Variants in LINGO2 observed in about 807,000 individuals in gnomAD.
LINGO2 encodes the protein leucine-rich repeat and immunoglobulin-like domain-containing nogo receptor-interacting protein 2.
LINGO2 carries 14 observed loss-of-function variants against 30.6 expected under a neutral mutation model. That is an observed-to-expected ratio of 0.46 (90% CI 0.30 to 0.72). The LOEUF (loss-of-function observed/expected upper bound fraction) is 0.72, where lower values mean the gene tolerates loss of function less well. LINGO2 is among the 30% of genes least tolerant of loss of function. The pLI, the probability that LINGO2 is intolerant of heterozygous loss-of-function variation, is 0.07. For synonymous variants in LINGO2, 317 were observed against 288.5 expected (o/e 1.10, Z -1.00); for missense variants, 729 against 751.7 (o/e 0.97, Z 0.35).
At chr9:28,375,409 T>C (rs753488060) in intron 2 of LINGO2, among the ~76,000 whole-genome samples, 21 of 149,662 alleles carry the variant, frequency 1.4e-4, no homozygotes, top group Non-Finnish European at 3.0e-4. Flanking sequence ...GGGTTTGCCT[T>C]ATATGCCTGC....
intron 4 of LINGO2, among the ~76,000 whole-genome samples, chr9:28,267,743 C>T (rs1217868744): frequency 2.0e-5 from 3 of 151,926 alleles, no homozygotes; most frequent in African/African-American, 7.3e-5. Flanking sequence ...TAGAGTAGTT[C>T]CTATATGGCT....
intron 1 of LINGO2, among the ~76,000 whole-genome samples, chr9:28,567,938 G>T (rs1823469597): frequency 6.6e-6 from 1 of 152,042 alleles, no homozygotes; most frequent in Non-Finnish European, 1.5e-5. Flanking sequence ...TTTACAGTCA[G>T]TTCGAACAAG....
At chr9:28,203,815 T>C (rs4878834) in intron 4 of LINGO2, among the ~76,000 whole-genome samples, 12,145 of 152,208 alleles carry the variant, frequency 0.08, 696 homozygotes, top group East Asian at 0.21. Context: ...TTTGGTGGAA[T>C]ACTATTTCAT....
At chr9:28,931,865 T>G in the LINGO2 span, among the ~76,000 whole-genome samples, 959 of 151,752 alleles carry the variant, frequency 6.3e-3, 7 homozygotes, top group Non-Finnish European at 0.01. Context: ...ATCCCAGCAC[T>G]TTGGGAGGCT....
At chr9:28,406,035 A>C (rs112190619) in intron 2 of LINGO2, among the ~76,000 whole-genome samples, 47 of 152,238 alleles carry the variant, frequency 3.1e-4, no homozygotes, top group African/African-American at 1.1e-3. Context: ...CTGCACTACC[A>C]ATGCATTCAT....
intron 2 of LINGO2, among the ~76,000 whole-genome samples, chr9:28,387,666 C>T (rs1929823): frequency 0.29 from 44,327 of 151,966 alleles, 7,911 homozygotes; most frequent in Non-Finnish European, 0.37. Context: ...CAACTGTGGA[C>T]GCGCCACCTT....
At chr9:28,514,570 G>T (rs1165532681) in intron 1 of LINGO2, among the ~76,000 whole-genome samples, 1 of 152,132 alleles carries the variant, frequency 6.6e-6, no homozygotes, top group Non-Finnish European at 1.5e-5. Flanking sequence ...TCTAGAGCAA[G>T]GCCCTAACTC....
chr9:28,128,985 G>A (rs907796414), intron 4 of LINGO2, among the ~76,000 whole-genome samples: 2 of 152,170 alleles, frequency 1.3e-5, no homozygotes, highest in East Asian at 1.9e-4. Context: ...CTAACTTGCT[G>A]AGTCTTCTGG....
the LINGO2 span, among the ~76,000 whole-genome samples, chr9:28,719,501 A>G: frequency 9.2e-5 from 14 of 151,998 alleles, no homozygotes; most frequent in South Asian, 2.1e-4. Flanking sequence ...GGCATCATCA[A>G]TCCTCATCCT....
chr9:27,975,985 A>T (rs1820575021), intron 5 of LINGO2, among the ~76,000 whole-genome samples: 1 of 152,096 alleles, frequency 6.6e-6, no homozygotes, highest in Admixed American at 6.6e-5. Flanking sequence ...GAGGGCAGGA[A>T]GGTGGCACAG....
At chr9:28,470,691 T>C (rs1825484396) in intron 2 of LINGO2, among the ~76,000 whole-genome samples, 1 of 152,108 alleles carries the variant, frequency 6.6e-6, no homozygotes, top group Admixed American at 6.6e-5. Flanking sequence ...GTGATTCTAC[T>C]GTCATAAGAT....
chr9:28,505,850 G>C (rs1053989756), intron 1 of LINGO2, among the ~76,000 whole-genome samples: 1 of 151,826 alleles, frequency 6.6e-6, no homozygotes, highest in African/African-American at 2.4e-5. Context: ...TGGGGAGTGG[G>C]AGTCATGTGT....
intron 1 of LINGO2, among the ~76,000 whole-genome samples, chr9:28,555,034 A>G (rs1278573245): frequency 1.4e-5 from 2 of 139,540 alleles, no homozygotes; most frequent in African/African-American, 3.0e-5. Flanking sequence ...AATGCCCACA[A>G]GAGAAAGCAG....
chr9:28,345,469 A>G lies in LINGO2; in HGVS notation c.-246+27367T>C, dbSNP rs7871180. 3.9e-3 allele frequency among the ~76,000 whole-genome samples: 588 copies of G among 152,264 alleles called. 4 individuals carry two copies. Among genetic ancestry groups the G allele is most frequent in the African/African-American group, 0.014 (569 of 41,562 alleles). Reference sequence around the variant, plus strand: ...TGACCTCTCAAATATAGGGTAACCTATTGCAGCTTTATATCAAACTAGCAG... The same window carrying G: ...TGACCTCTCAAATATAGGGTAACCTGTTGCAGCTTTATATCAAACTAGCAG... On this transcript the variant is annotated intron_variant, in intron 3 of 5. Coordinates refer to ENST00000379992, the Ensembl canonical transcript of LINGO2.
At chr9:28,861,447 T>C in the LINGO2 span, among the ~76,000 whole-genome samples, 14 of 146,868 alleles carry the variant, frequency 9.5e-5, no homozygotes, top group African/African-American at 3.5e-4. Context: ...TATTCTCATA[T>C]AGTTCTCACA....
chr9:28,200,400 C>T (rs1347929349), intron 4 of LINGO2, among the ~76,000 whole-genome samples: 1 of 152,016 alleles, frequency 6.6e-6, no homozygotes, highest in African/African-American at 2.4e-5. Flanking sequence ...TAAGATCACA[C>T]AGGCTTTATC....
chr9:28,461,339 T>A (rs1182884954), intron 2 of LINGO2, among the ~76,000 whole-genome samples: 2 of 152,130 alleles, frequency 1.3e-5, no homozygotes, highest in East Asian at 3.9e-4. Context: ...CTACCATTCA[T>A]CCCTCACTAT....
At chr9:28,967,501 A>G in the LINGO2 span, among the ~76,000 whole-genome samples, 3 of 152,154 alleles carry the variant, frequency 2.0e-5, no homozygotes, top group African/African-American at 7.2e-5. Flanking sequence ...GACCTGGGGC[A>G]TTCCTCCACA....
At chr9:28,756,808 T>G in the LINGO2 span, among the ~76,000 whole-genome samples, 1 of 151,978 alleles carries the variant, frequency 6.6e-6, no homozygotes, top group Non-Finnish European at 1.5e-5. Flanking sequence ...CTGCCATGAC[T>G]GTAAATTTCC....
Sources: allele counts gnomAD v4.1 joint callset (sites outside exome capture counted in the v4.1 genomes callset), GRCh38; gene constraint gnomAD v4.1.1; transcripts MANE v1.5; gene names NCBI Gene and HGNC (gene_info 2026-07-23, HGNC 2026-07-21).